The following PTPRN2 variants were observed in gnomAD, a reference collection of about 807,000 sequenced individuals.
The protein encoded by PTPRN2 is receptor-type tyrosine-protein phosphatase N2.
In PTPRN2, 74 loss-of-function variants were observed where a neutral mutation model predicts 118.8. The ratio of observed to expected loss-of-function variants is 0.62; its 90% confidence interval spans 0.52 to 0.76. PTPRN2 has a LOEUF of 0.76. Ranked by LOEUF, PTPRN2 falls within the 30% of genes least tolerant of loss-of-function variation. The probability of loss-of-function intolerance (pLI) is 0.00; values close to 1 mark genes in which losing one functional copy is unlikely to be tolerated. For synonymous variants in PTPRN2, 641 were observed against 608.0 expected (o/e 1.05, Z -0.80); for missense variants, 1,481 against 1,394.4 (o/e 1.06, Z -0.99).
intron 6 of PTPRN2, among the ~76,000 whole-genome samples, chr7:158,151,056 A>C (rs1275678738): frequency 1.7e-5 from 2 of 120,114 alleles, no homozygotes; most frequent in Non-Finnish European, 3.7e-5. Flanking sequence ...GCCTGCCCAC[A>C]CTGCCCGCCT....
chr7:158,341,110 C>A (rs1563176513), intron 2 of PTPRN2, among the ~76,000 whole-genome samples: 1 of 43,774 alleles, frequency 2.3e-5, no homozygotes, highest in Non-Finnish European at 5.7e-5. Flanking sequence ...AGACGTCACT[C>A]ACACCCACAC....
intron 11 of PTPRN2, among the ~76,000 whole-genome samples, chr7:157,959,747 G>T (rs1039002829): frequency 2.0e-5 from 3 of 152,168 alleles, no homozygotes; most frequent in Non-Finnish European, 4.4e-5. Flanking sequence ...ATGTAAAATG[G>T]TTCAGCCACA....
In PTPRN2 at chr7:157,656,081, C is replaced by T. The variant is rs188447059; in HGVS notation, c.2196+276G>A. Among the ~76,000 whole-genome samples, 6 of 151,620 alleles carry T rather than the reference C, an allele frequency of 4.0e-5. 1 individual carries two copies. Among genetic ancestry groups the T allele is most frequent in the South Asian group, 4.2e-4 (2 of 4,784 alleles). On this transcript the variant is annotated intron_variant, in intron 14 of 22. Coordinates refer to ENST00000389418, the MANE Select transcript of PTPRN2 (RefSeq NM_002847.5). ...GTGTATTCCACTGAAAACTAAATAG[C>T]GGGTGCTCACTCTTACACACCAGGG...
rs576451764 is a variant in PTPRN2, at chr7:158,041,009, G to A, written c.1723+40289C>T. ...GCCTCCCAAAGTGCTGGGATCACAG[G>A]CGTGAGCCGCCACGCCCGGTCCACC... On this transcript the variant is annotated intron_variant, in intron 11 of 22. Transcript: ENST00000389418. 6.2e-4 allele frequency among the ~76,000 whole-genome samples: 95 copies of A among 152,330 alleles called. 3 individuals carry two copies. The highest frequency in any genetic ancestry group is 2.1e-3 in the African/African-American group (89 of 41,580).
Position 157,619,688 on chromosome 7 carries a change from G to A in PTPRN2, c.2344+1674C>T, listed in dbSNP as rs1050308714. On this transcript the variant is annotated intron_variant, in intron 15 of 22. Transcript: ENST00000389418. The surrounding 1 kb of genome is among the most constrained non-coding windows in gnomAD (Gnocchi z 5.3). ...GCAAGAAGCGTGCACCCAGCTGGGT[G>A]AATGGGATTTTACACAGGTCTGCAG... Among the ~76,000 whole-genome samples the A allele has an allele frequency of 6.6e-6, 1 of 152,210 alleles. No individual in the cohort carries two copies. Among genetic ancestry groups the A allele is most frequent in the Non-Finnish European group, 1.5e-5 (1 of 68,038 alleles).
intron 3 of PTPRN2, among the ~76,000 whole-genome samples, chr7:158,268,005 GC>G (rs1797996576): frequency 6.6e-6 from 1 of 152,194 alleles, no homozygotes; most frequent in African/African-American, 2.4e-5. Context: ...CAGAGATGCT[GC>G]CCCAGTGACT....
chr7:158,318,065 G>A (rs941609579), intron 2 of PTPRN2, among the ~76,000 whole-genome samples: 3 of 152,104 alleles, frequency 2.0e-5, no homozygotes, highest in East Asian at 1.9e-4. Context: ...CGGCCGCGCC[G>A]CCTCCTGTCC....
intron 6 of PTPRN2, among the ~76,000 whole-genome samples, chr7:158,159,875 C>T (rs1244809027): frequency 6.6e-6 from 1 of 152,210 alleles, no homozygotes; most frequent in Non-Finnish European, 1.5e-5. Flanking sequence ...GCTAGCAGGA[C>T]ATGGGTTTGG....
chr7:157,644,882 G>A (rs1039221179), intron 14 of PTPRN2, among the ~76,000 whole-genome samples: 6 of 152,032 alleles, frequency 3.9e-5, no homozygotes, highest in African/African-American at 1.2e-4. Flanking sequence ...TCCTATGCAC[G>A]ATTTCCACCC....
chr7:158,359,497 G>A (rs746659628), intron 2 of PTPRN2, among the ~76,000 whole-genome samples: 14 of 152,142 alleles, frequency 9.2e-5, no homozygotes, highest in African/African-American at 1.7e-4. Flanking sequence ...AGGTCAACAC[G>A]AAGGCCTGCC....
chr7:158,414,125 G>A (rs900247468), intron 2 of PTPRN2, among the ~76,000 whole-genome samples: 1 of 151,094 alleles, frequency 6.6e-6, no homozygotes, highest in African/African-American at 2.4e-5. Flanking sequence ...CCAGCAGGGG[G>A]AGAACTGTGG....
chr7:158,348,228 A>C (rs1807662263), intron 2 of PTPRN2, among the ~76,000 whole-genome samples: 2 of 152,050 alleles, frequency 1.3e-5, no homozygotes, highest in African/African-American at 2.4e-5. Context: ...CAGCGGGGAG[A>C]TGCTGCAGAT....
At chr7:158,347,973 G>C (rs1807639786) in intron 2 of PTPRN2, among the ~76,000 whole-genome samples, 1 of 152,124 alleles carries the variant, frequency 6.6e-6, no homozygotes, top group Non-Finnish European at 1.5e-5. Flanking sequence ...TAGGATGGCT[G>C]TCAATCCCTA....
At chr7:157,938,479 T>C (rs1315816857) in intron 11 of PTPRN2, among the ~76,000 whole-genome samples, 1 of 152,200 alleles carries the variant, frequency 6.6e-6, no homozygotes, top group Non-Finnish European at 1.5e-5. Context: ...GGCCCAGCCA[T>C]GCCACGTGCA....
intron 3 of PTPRN2, among the ~76,000 whole-genome samples, chr7:158,315,605 G>A (rs1376184500): frequency 2.0e-5 from 3 of 152,266 alleles, no homozygotes; most frequent in Non-Finnish European, 2.9e-5. Flanking sequence ...ATCTCCAGCA[G>A]TGCACCTGGC....
chr7:158,330,055 A>T (rs527942855), intron 2 of PTPRN2, among the ~76,000 whole-genome samples: 1 of 150,584 alleles, frequency 6.6e-6, no homozygotes, highest in Admixed American at 6.6e-5. Context: ...CGTCACTCAC[A>T]CCCACACTCT....
intron 12 of PTPRN2, among the ~76,000 whole-genome samples, chr7:157,691,069 C>CG (rs1797467195): frequency 1.5e-5 from 1 of 67,984 alleles, no homozygotes; most frequent in Non-Finnish European, 3.2e-5. Context: ...TAGCGATGTC[C>CG]CCCCCCCCCC....
At chr7:157,898,616 C>T in intron 12 of PTPRN2, 57 bp downstream of exon 12, 1 of 1,493,064 alleles carries the variant, frequency 6.7e-7, no homozygotes, top group African/African-American at 1.4e-5. Context: ...CGGTGTTCGC[C>T]AGCACCCAGA....
intron 11 of PTPRN2, among the ~76,000 whole-genome samples, chr7:158,020,507 C>T (rs760663355): frequency 5.3e-5 from 8 of 152,272 alleles, no homozygotes; most frequent in African/African-American, 9.6e-5. Context: ...CTGCATCCTA[C>T]GTCCCGAGGT....
Sources: gnomAD v4.1 joint callset for allele counts (sites outside exome capture counted in the v4.1 genomes callset) on GRCh38, gnomAD v4.1.1 for gene constraint, Gnocchi (gnomAD v3.1) non-coding constraint, MANE v1.5 for transcripts, NCBI Gene and HGNC (gene_info 2026-07-23, HGNC 2026-07-21) for gene names.